The following RHOJ variants were observed in gnomAD, a reference collection of about 807,000 sequenced individuals.
The protein encoded by RHOJ is ras homolog family member J.
In RHOJ, 11 loss-of-function variants were observed where a neutral mutation model predicts 23.4. The observed-to-expected ratio is 0.47, with a 90% CI of 0.30 to 0.78. The LOEUF (loss-of-function observed/expected upper bound fraction) is 0.78, where lower values mean the gene tolerates loss of function less well. Among genes scored for constraint, RHOJ ranks in the 30% least tolerant of loss-of-function variants. The pLI, the probability that RHOJ is intolerant of heterozygous loss-of-function variation, is 0.08. For missense variants in RHOJ, 254 were observed against 273.4 expected (o/e 0.93, Z 0.50); for synonymous variants, 102 against 102.7 (o/e 0.99, Z 0.04).
intron 1 of RHOJ, among the ~76,000 whole-genome samples, chr14:63,242,742 C>G (rs981110850): frequency 2.0e-5 from 3 of 152,118 alleles, no homozygotes; most frequent in Non-Finnish European, 4.4e-5. Flanking sequence ...ATTCCACACT[C>G]CAATTCTGTG....
At chr14:63,209,249 C>T (rs970857838) in intron 1 of RHOJ, among the ~76,000 whole-genome samples, 3 of 152,168 alleles carry the variant, frequency 2.0e-5, no homozygotes, top group Non-Finnish European at 4.4e-5. Context: ...GGCAGAGGGA[C>T]TGTCCCAAAC....
At chr14:63,265,618 A>T (rs1214414706) in intron 1 of RHOJ, among the ~76,000 whole-genome samples, 1 of 152,246 alleles carries the variant, frequency 6.6e-6, no homozygotes, top group East Asian at 1.9e-4. Flanking sequence ...GAAGAGATTT[A>T]TTCTGAGCCA....
intron 3 of RHOJ, among the ~76,000 whole-genome samples, chr14:63,281,590 G>A (rs908435313): frequency 4.6e-5 from 7 of 151,908 alleles, no homozygotes; most frequent in African/African-American, 1.7e-4. Flanking sequence ...TTACACTTCC[G>A]GAGAAGGAAG....
rs548046706 is a variant in RHOJ at position 63,219,963 on chromosome 14, G to A, written c.178+14916G>A. 5.3e-5 allele frequency among the ~76,000 whole-genome samples: 8 copies of A among 152,116 alleles called. No individual in the cohort carries two copies. In the South Asian group the frequency reaches 6.2e-4, roughly 12 times the overall value. ...AGCTCCTGATAAGCCAAATTTCACC[G>A]TAGTACTATTTAAATTTCATCTTTT... On this transcript the variant is annotated intron_variant, in intron 1 of 4. Transcript: ENST00000316754.
chr14:63,281,410 A>C (rs1276808103), intron 3 of RHOJ, among the ~76,000 whole-genome samples: 1 of 151,912 alleles, frequency 6.6e-6, no homozygotes. Flanking sequence ...TAAAATAGAC[A>C]CCCTTTGCCA....
At chr14:63,206,849 C>CTATAGTGATTGAG (rs1246266020) in intron 1 of RHOJ, among the ~76,000 whole-genome samples, 12 of 152,182 alleles carry the variant, frequency 7.9e-5, no homozygotes, top group Non-Finnish European at 1.8e-4. Flanking sequence ...ATCACAGCCA[C>CTATAGTGATTGAG]TATACTCAGA....
chr14:63,277,675 A>T (rs1478804772), intron 2 of RHOJ, among the ~76,000 whole-genome samples: 1 of 152,118 alleles, frequency 6.6e-6, no homozygotes, highest in Non-Finnish European at 1.5e-5. Flanking sequence ...ACCTGTAGGG[A>T]TGAGAAAAAA....
intron 1 of RHOJ, among the ~76,000 whole-genome samples, chr14:63,263,398 T>C (rs941048976): frequency 6.6e-6 from 1 of 152,208 alleles, no homozygotes; most frequent in African/African-American, 2.4e-5. Context: ...AGATAAGGAC[T>C]CACGAAGCCA....
chr14:63,288,322 G>A (rs1882148038), intron 4 of RHOJ: 1 of 985,304 alleles, frequency 1.0e-6, no homozygotes. Context: ...CTCCAGGTGT[G>A]AGTGAGCTCA....
chr14:63,214,425 A>T (rs1264150249), intron 1 of RHOJ, among the ~76,000 whole-genome samples: 1 of 152,210 alleles, frequency 6.6e-6, no homozygotes, highest in Non-Finnish European at 1.5e-5. Context: ...AAAAGGAGCA[A>T]TTCTATAGTC....
intron 2 of RHOJ, 97 bp downstream of exon 2, chr14:63,269,265 C>T: frequency 1.2e-6 from 1 of 819,890 alleles, no homozygotes; most frequent in South Asian, 1.6e-5. Flanking sequence ...ACAGATATTA[C>T]CCATTCTGAT....
chr14:63,224,189 C>T (rs1161806660), intron 1 of RHOJ, among the ~76,000 whole-genome samples: 1 of 152,124 alleles, frequency 6.6e-6, no homozygotes, highest in African/African-American at 2.4e-5. Flanking sequence ...TGTAGAATGA[C>T]ATAAGGTGTA....
At chr14:63,249,828 T>C (rs1195860064) in intron 1 of RHOJ, among the ~76,000 whole-genome samples, 1 of 152,226 alleles carries the variant, frequency 6.6e-6, no homozygotes, top group Non-Finnish European at 1.5e-5. Context: ...ATCGATAGAT[T>C]CTGTTGTAAT....
intron 1 of RHOJ, among the ~76,000 whole-genome samples, chr14:63,259,906 A>G (rs886178968): frequency 6.6e-6 from 1 of 152,252 alleles, no homozygotes; most frequent in Admixed American, 6.5e-5. Context: ...ATAAAATTCT[A>G]GGACTGAATA....
chr14:63,282,875 G>A (rs776893196), intron 3 of RHOJ, among the ~76,000 whole-genome samples: 1 of 152,078 alleles, frequency 6.6e-6, no homozygotes, highest in Admixed American at 6.6e-5. Context: ...AGAATCATCC[G>A]AGTAGTCTTC....
intron 1 of RHOJ, among the ~76,000 whole-genome samples, chr14:63,256,853 C>T (rs893511115): frequency 3.3e-5 from 5 of 151,986 alleles, no homozygotes; most frequent in African/African-American, 1.2e-4. Flanking sequence ...GCAGGCGGGT[C>T]ATGAGGTCAG....
chr14:63,237,037 G>A (rs1174661088), intron 1 of RHOJ, among the ~76,000 whole-genome samples: 1 of 152,150 alleles, frequency 6.6e-6, no homozygotes, highest in Non-Finnish European at 1.5e-5. Context: ...CAGTACAGAT[G>A]CAATTGTCCC....
chr14:63,283,070 C>T (rs1004892015), intron 3 of RHOJ, 51 bp from the exon 4 acceptor site: 2 of 1,409,234 alleles, frequency 1.4e-6, no homozygotes, highest in African/African-American at 2.8e-5. Flanking sequence ...TTTAAAATAT[C>T]TGGCAAGGCC....
intron 1 of RHOJ, among the ~76,000 whole-genome samples, chr14:63,262,671 A>G (rs1416480536): frequency 1.3e-5 from 2 of 152,208 alleles, no homozygotes; most frequent in Non-Finnish European, 2.9e-5. Flanking sequence ...AGCAGTTCCA[A>G]TCTTGCCAGG....
Sources: allele counts gnomAD v4.1 joint callset (sites outside exome capture counted in the v4.1 genomes callset), GRCh38; gene constraint gnomAD v4.1.1; transcripts MANE v1.5; gene names NCBI Gene and HGNC (gene_info 2026-07-23, HGNC 2026-07-21).